The following MYO5B variants were observed in gnomAD, a reference collection of about 807,000 sequenced individuals.
The protein encoded by MYO5B is unconventional myosin-Vb.
Under a neutral mutation model 229.3 loss-of-function variants are expected in MYO5B, and 143 were observed. The observed-to-expected ratio is 0.62, with a 90% CI of 0.54 to 0.72. MYO5B has a LOEUF of 0.72. Ranked by LOEUF, MYO5B falls within the 30% of genes least tolerant of loss-of-function variation. The pLI is 0.00. For synonymous variants in MYO5B, 918 were observed against 885.2 expected (o/e 1.04, Z -0.66); for missense variants, 2,321 against 2,331.0 (o/e 1.00, Z 0.09).
At chr18:49,924,127 G>T (rs1032847315) in intron 17 of MYO5B, among the ~76,000 whole-genome samples, 2 of 152,028 alleles carry the variant, frequency 1.3e-5, no homozygotes, top group African/African-American at 4.8e-5. Context: ...AAGAGGTCTG[G>T]GAATTTCAGA....
At chr18:49,860,440 GTC>G (rs1463794159) in intron 29 of MYO5B, among the ~76,000 whole-genome samples, 7 of 152,176 alleles carry the variant, frequency 4.6e-5, no homozygotes, top group Non-Finnish European at 7.3e-5. Flanking sequence ...TGATGCTGGT[GTC>G]TCTTAGTTCC....
intron 4 of MYO5B, among the ~76,000 whole-genome samples, chr18:50,003,226 G>A (rs1248058251): frequency 5.3e-5 from 8 of 152,198 alleles, no homozygotes; most frequent in Non-Finnish European, 1.0e-4. Context: ...GTGGATGTGG[G>A]TGGCTAGTAG....
At chr18:50,171,537 G>GA (rs143557616) in intron 1 of MYO5B, among the ~76,000 whole-genome samples, 2,676 of 128,016 alleles carry the variant, frequency 0.021, 746 homozygotes, top group African/African-American at 0.075. Flanking sequence ...TTCTGCTGGG[G>GA]AAACAGTGGA....
intron 1 of MYO5B, among the ~76,000 whole-genome samples, chr18:50,120,859 G>C (rs889890245): frequency 1.3e-5 from 2 of 152,216 alleles, no homozygotes; most frequent in East Asian, 1.9e-4. Flanking sequence ...TCAGCTGGTA[G>C]ATGGTGAAAG....
intron 1 of MYO5B, among the ~76,000 whole-genome samples, chr18:50,150,881 T>C (rs562971256): frequency 1.7e-3 from 261 of 152,298 alleles, no homozygotes; most frequent in Middle Eastern, 0.01. Flanking sequence ...CCACAACATA[T>C]AGCTGAAAAT....
intron 15 of MYO5B, among the ~76,000 whole-genome samples, chr18:49,936,748 G>C (rs1276921471): frequency 6.6e-6 from 1 of 152,202 alleles, no homozygotes; most frequent in East Asian, 1.9e-4. Context: ...GAAATAATTT[G>C]TTATACTAAA....
Position 49,929,610 on chromosome 18 carries a change from G to GAAAAA in MYO5B, c.2004-17_2004-13dup. 2.3e-6 allele frequency: 3 copies of GAAAAA among 1,288,216 alleles called. No individual in the cohort carries two copies. The highest frequency in any genetic ancestry group is 3.2e-6 in the Non-Finnish European group (3 of 944,440). The allele number at this position is 1,288,216 out of a possible 1,614,324, so 79.8% of individuals were successfully genotyped here. A position where few individuals can be genotyped will look rare whatever the true frequency, so the allele number is the denominator to read the frequency against. On this transcript the variant is annotated splice_polypyrimidine_tract_variant and intron_variant, in intron 16 of 39. Coordinates refer to ENST00000285039, the MANE Select transcript of MYO5B (RefSeq NM_001080467.3). ...TCTTTGGGTCAAAGCTGCCAAAGGA[G>GAAAAA]AAAAAAAAAAAAAAAAGCAAGACAA...
At position 50,048,271 on chromosome 18, in the gene MYO5B, C is replaced by T. The variant is rs116428845; in HGVS notation, c.138+6997G>A. Among the ~76,000 whole-genome samples the T allele has an allele frequency of 9.2e-3, 1,404 of 152,304 alleles. 18 individuals are homozygous for T. The highest frequency in any genetic ancestry group is 0.031 in the African/African-American group (1,301 of 41,556). On this transcript the variant is annotated intron_variant, in intron 2 of 39. Transcript: ENST00000285039. ...TCCTCTTGCACCATGAAGCACAGCA[C>T]AGGCACTCAATTACTTGAAAAATAA... is the stretch of plus-strand genomic sequence containing the variant.
intron 4 of MYO5B, among the ~76,000 whole-genome samples, chr18:50,013,679 C>T (rs558174081): frequency 6.6e-6 from 1 of 152,314 alleles, no homozygotes; most frequent in Admixed American, 6.5e-5. Context: ...AAATAGTAGA[C>T]TTAGGTAACA....
chr18:49,871,184 A>G (rs2024452093), intron 27 of MYO5B, among the ~76,000 whole-genome samples: 1 of 152,236 alleles, frequency 6.6e-6, no homozygotes, highest in Admixed American at 6.5e-5. Flanking sequence ...ATTACAAAAA[A>G]CAAATACTAT....
intron 2 of MYO5B, among the ~76,000 whole-genome samples, chr18:50,052,333 A>G (rs1598983833): frequency 6.7e-6 from 1 of 149,570 alleles, no homozygotes; most frequent in East Asian, 2.0e-4. Flanking sequence ...AGACTGGATT[A>G]AGAAAATGTG....
chr18:50,008,950 C>T (rs2026132512), intron 4 of MYO5B, among the ~76,000 whole-genome samples: 1 of 152,100 alleles, frequency 6.6e-6, no homozygotes. Flanking sequence ...CTAGAGAATA[C>T]ATAGAATTTT....
chr18:50,009,797 A>G (rs1322996469), intron 4 of MYO5B, among the ~76,000 whole-genome samples: 1 of 152,204 alleles, frequency 6.6e-6, no homozygotes, highest in Non-Finnish European at 1.5e-5. Flanking sequence ...CAAGCAAGAG[A>G]GTCTACAAAC....
chr18:50,093,768 T>TA (rs58963888), intron 1 of MYO5B, among the ~76,000 whole-genome samples: 197 of 147,406 alleles, frequency 1.3e-3, no homozygotes, highest in South Asian at 9.1e-3. Flanking sequence ...GTTAATATGC[T>TA]AAAAAAAAAA....
intron 1 of MYO5B, among the ~76,000 whole-genome samples, chr18:50,061,178 G>C (rs1184074999): frequency 6.6e-6 from 1 of 152,228 alleles, no homozygotes; most frequent in Non-Finnish European, 1.5e-5. Flanking sequence ...GCGGGCTCTA[G>C]AGTCAAACAG....
intron 18 of MYO5B, among the ~76,000 whole-genome samples, chr18:49,909,338 C>T (rs911211449): frequency 1.4e-4 from 21 of 152,236 alleles, no homozygotes; most frequent in Non-Finnish European, 4.4e-5. Flanking sequence ...AGTGACATTA[C>T]TCAATCAGAC....
At chr18:50,182,575 A>G (rs968763336) in intron 1 of MYO5B, among the ~76,000 whole-genome samples, 3 of 152,254 alleles carry the variant, frequency 2.0e-5, no homozygotes, top group East Asian at 3.8e-4. Context: ...CATGAATGTT[A>G]CTTTGCTGAT....
intron 1 of MYO5B, among the ~76,000 whole-genome samples, chr18:50,121,253 G>A (rs17716544): frequency 0.2 from 30,887 of 152,116 alleles, 3,601 homozygotes; most frequent in Non-Finnish European, 0.27. Context: ...TGCGTTATCT[G>A]TCCCTTCTAG....
At chr18:50,185,095 TAG>T (rs1007818314) in intron 1 of MYO5B, among the ~76,000 whole-genome samples, 61 of 151,532 alleles carry the variant, frequency 4.0e-4, no homozygotes, top group African/African-American at 1.4e-3. Context: ...ATAAAAAATA[TAG>T]AGTAGTCATT....
Sources: allele counts gnomAD v4.1 joint callset (sites outside exome capture counted in the v4.1 genomes callset), GRCh38; gene constraint gnomAD v4.1.1; transcripts MANE v1.5; gene names NCBI Gene and HGNC (gene_info 2026-07-23, HGNC 2026-07-21).